The following ATXN1 variants were observed in gnomAD, a reference collection of about 807,000 sequenced individuals.
The protein encoded by ATXN1 is ataxin-1.
A neutral mutation model predicts 56.4 loss-of-function variants in ATXN1; 8 were observed. The observed-to-expected ratio is 0.14, with a 90% CI of 0.08 to 0.26. The LOEUF is 0.26. Among genes scored for constraint, ATXN1 ranks in the 10% least tolerant of loss-of-function variants. ATXN1 has a pLI of 1.00. For synonymous variants in ATXN1, 514 were observed against 494.6 expected (o/e 1.04, Z -0.52); for missense variants, 987 against 1,106.5 (o/e 0.89, Z 1.53).
At chr6:16,315,864 T>C (rs991716532) in intron 7 of ATXN1, among the ~76,000 whole-genome samples, 4 of 152,150 alleles carry the variant, frequency 2.6e-5, no homozygotes, top group Non-Finnish European at 5.9e-5. Context: ...GATCATTATG[T>C]AGAGATGGAG....
At chr6:16,633,735 G>A (rs1220533540) in intron 3 of ATXN1, among the ~76,000 whole-genome samples, 1 of 152,152 alleles carries the variant, frequency 6.6e-6, no homozygotes, top group Non-Finnish European at 1.5e-5. Flanking sequence ...GTTGACTATA[G>A]AACCAAGGCT....
chr6:16,627,201 C>A (rs764065538), intron 3 of ATXN1, among the ~76,000 whole-genome samples: 3 of 152,190 alleles, frequency 2.0e-5, no homozygotes, highest in African/African-American at 7.2e-5. Flanking sequence ...TTCTCTGAGT[C>A]TCTTTCCTCC....
At chr6:16,560,850 C>T (rs954259111) in intron 4 of ATXN1, among the ~76,000 whole-genome samples, 9 of 152,106 alleles carry the variant, frequency 5.9e-5, no homozygotes, top group Non-Finnish European at 1.2e-4. Flanking sequence ...CCTGATGGAC[C>T]GGAGGGCAAA....
intron 6 of ATXN1, among the ~76,000 whole-genome samples, chr6:16,446,562 T>C (rs1759640312): frequency 6.6e-6 from 1 of 152,238 alleles, no homozygotes; most frequent in Non-Finnish European, 1.5e-5. Flanking sequence ...GTATTTTACA[T>C]ACAGTATGCA....
intron 6 of ATXN1, among the ~76,000 whole-genome samples, chr6:16,420,987 C>A (rs1759020769): frequency 6.6e-6 from 1 of 152,190 alleles, no homozygotes; most frequent in Non-Finnish European, 1.5e-5. Flanking sequence ...ACATGTGATA[C>A]ACACACATTT....
chr6:16,685,135 C>T (rs1758891632), intron 2 of ATXN1, among the ~76,000 whole-genome samples: 1 of 149,912 alleles, frequency 6.7e-6, no homozygotes, highest in Non-Finnish European at 1.5e-5. Context: ...AATGCTTTCA[C>T]TGTTATGTCA....
chr6:16,305,748 A>C lies in ATXN1; in HGVS notation c.*581T>G, dbSNP rs1401097941. On this transcript the variant is annotated 3_prime_UTR_variant, in exon 8 of 8. Transcript: ENST00000436367. ...AGAAAAATGTTCTTTTAAATGGTTA[A>C]CTTTCCAAATCTGCCATCTGACGCG... The C allele has an allele frequency of 6.5e-6, 1 of 152,762 alleles. No individual in the cohort carries two copies. The highest frequency in any genetic ancestry group is 6.5e-5 in the Admixed American group (1 of 15,298). The allele number at this position is 152,762 out of a possible 1,614,324, so 9.5% of individuals were successfully genotyped here. A position where few individuals can be genotyped will look rare whatever the true frequency, so the allele number is the denominator to read the frequency against.
chr6:16,433,729 G>C (rs992739047), intron 6 of ATXN1, among the ~76,000 whole-genome samples: 2 of 152,186 alleles, frequency 1.3e-5, no homozygotes, highest in Non-Finnish European at 2.9e-5. Context: ...GCATGAAACA[G>C]AACAAAAGTA....
intron 2 of ATXN1, among the ~76,000 whole-genome samples, chr6:16,684,830 C>T (rs530985550): frequency 1.3e-5 from 2 of 149,912 alleles, no homozygotes; most frequent in East Asian, 3.9e-4. Context: ...AGTTAAATGT[C>T]TCCTTTCTTA....
intron 6 of ATXN1, among the ~76,000 whole-genome samples, chr6:16,448,189 T>C (rs1021762196): frequency 2.0e-5 from 3 of 152,198 alleles, no homozygotes; most frequent in Non-Finnish European, 2.9e-5. Context: ...CCCTATGTTC[T>C]GCTCCAGCAT....
chr6:16,353,194 G>A (rs1341951492), intron 6 of ATXN1, among the ~76,000 whole-genome samples: 1 of 152,164 alleles, frequency 6.6e-6, no homozygotes, highest in Non-Finnish European at 1.5e-5. Context: ...GCGGATAACG[G>A]GGGACGTCTG....
At chr6:16,621,879 G>A (rs1763326407) in intron 3 of ATXN1, among the ~76,000 whole-genome samples, 1 of 152,204 alleles carries the variant, frequency 6.6e-6, no homozygotes, top group African/African-American at 2.4e-5. Context: ...CAGGCACACT[G>A]GCTTTGAATT....
At position 16,508,832 on chromosome 6, in the gene ATXN1, A is replaced by T. The variant is rs1000411889; in HGVS notation, c.-299+13795T>A. The stretch of plus-strand genomic sequence containing the variant: ...TTTGTACACCCACATTCATAGCAGC[A>T]TTATTCACAGTAACCAAAAGGTGGA... On this transcript the variant is annotated intron_variant, in intron 5 of 7. Transcript: ENST00000436367. Among the ~76,000 whole-genome samples, 5 of 152,364 alleles carry T rather than the reference A, an allele frequency of 3.3e-5. No individual in the cohort carries two copies. In the South Asian group the frequency reaches 8.3e-4, roughly 25 times the overall value.
In ATXN1 at chr6:16,341,659, C is replaced by T. The variant is rs566745528; in HGVS notation, c.-160-13189G>A. Among the ~76,000 whole-genome samples the T allele has an allele frequency of 7.5e-4, 114 of 151,748 alleles. No individual in the cohort carries two copies. The East Asian group carries it at 0.02, about 27-fold the overall frequency. ...TCAGCCTCCCGAGTGGCTGGGACTA[C>T]AGGCACCCACCACCACGCCTGGCTA... is the stretch of plus-strand genomic sequence containing the variant. On this transcript the variant is annotated intron_variant, in intron 6 of 7. Transcript: ENST00000436367.
chr6:16,465,594 G>A (rs1287553554), intron 6 of ATXN1, among the ~76,000 whole-genome samples: 1 of 152,186 alleles, frequency 6.6e-6, no homozygotes. Flanking sequence ...ATGGGGATGA[G>A]GGCAAGGGCA....
chr6:16,391,505 G>C (rs760667648), intron 6 of ATXN1, among the ~76,000 whole-genome samples: 3 of 152,140 alleles, frequency 2.0e-5, no homozygotes, highest in Admixed American at 6.5e-5. Flanking sequence ...TTAGGTTTGG[G>C]ATCCACTTTC....
At chr6:16,354,269 T>G (rs192247591) in intron 6 of ATXN1, among the ~76,000 whole-genome samples, 1 of 152,260 alleles carries the variant, frequency 6.6e-6, no homozygotes, top group East Asian at 1.9e-4. Context: ...CACTTATTTT[T>G]TTTTTTGAGA....
intron 6 of ATXN1, among the ~76,000 whole-genome samples, chr6:16,395,171 G>A (rs1758426737): frequency 6.6e-6 from 1 of 150,438 alleles, no homozygotes; most frequent in Non-Finnish European, 1.5e-5. Context: ...TCAGGAGGCT[G>A]AGGCAGGAGA....
At chr6:16,408,843 C>T (rs988575787) in intron 6 of ATXN1, among the ~76,000 whole-genome samples, 5 of 152,148 alleles carry the variant, frequency 3.3e-5, no homozygotes, top group Non-Finnish European at 5.9e-5. Context: ...TGGGTTCAAG[C>T]GATCCTCCTG....
Sources: allele counts gnomAD v4.1 joint callset (sites outside exome capture counted in the v4.1 genomes callset), GRCh38; gene constraint gnomAD v4.1.1; transcripts MANE v1.5; gene names NCBI Gene and HGNC (gene_info 2026-07-23, HGNC 2026-07-21).